SDK1: variants seen among roughly 807,000 people sequenced by gnomAD.
SDK1 encodes sidekick cell adhesion molecule 1, also known as protein sidekick-1.
A neutral mutation model predicts 245.5 loss-of-function variants in SDK1; 157 were observed. The ratio of observed to expected loss-of-function variants is 0.64; its 90% CI spans 0.56 to 0.73. SDK1 has a LOEUF of 0.73. SDK1 is among the 30% of genes least tolerant of loss of function. The pLI is 0.00. For synonymous variants in SDK1, 1,647 were observed against 1,278.5 expected (o/e 1.29, Z -6.15); for missense variants, 3,583 against 3,002.3 (o/e 1.19, Z -4.52).
intron 1 of SDK1, among the ~76,000 whole-genome samples, chr7:3,466,979 T>TACACACACACACACACACACACAC (rs11269597): frequency 1.6e-5 from 2 of 127,544 alleles, no homozygotes; most frequent in Non-Finnish European, 1.6e-5. Context: ...TCTCTCTCTC[T>TACACACACACACACACACACACAC]ACACACACAC....
chr7:3,407,311 G>T (rs763256764), intron 1 of SDK1, among the ~76,000 whole-genome samples: 5 of 152,194 alleles, frequency 3.3e-5, no homozygotes, highest in Non-Finnish European at 4.4e-5. Context: ...TCCTTCAGGG[G>T]CTGATTGAAA....
chr7:3,713,057 A>C (rs999686236), intron 4 of SDK1, among the ~76,000 whole-genome samples: 1 of 152,216 alleles, frequency 6.6e-6, no homozygotes, highest in African/African-American at 2.4e-5. Context: ...GGGGCATGGC[A>C]GGGTGCCAGG....
chr7:3,737,452 G>A (rs1041475516), intron 4 of SDK1, among the ~76,000 whole-genome samples: 2 of 152,232 alleles, frequency 1.3e-5, no homozygotes, highest in Admixed American at 6.5e-5. Context: ...GTGGGGCTTG[G>A]CTTTCTGCCT....
chr7:3,741,669 TC>T (rs1476548792), intron 4 of SDK1, among the ~76,000 whole-genome samples: 3 of 152,116 alleles, frequency 2.0e-5, no homozygotes, highest in Non-Finnish European at 4.4e-5. Flanking sequence ...ACATTTACAA[TC>T]CCATTTATCC....
intron 1 of SDK1, among the ~76,000 whole-genome samples, chr7:3,515,748 G>A (rs560311981): frequency 6.6e-6 from 1 of 152,076 alleles, no homozygotes; most frequent in South Asian, 2.1e-4. Context: ...TTTTCAACTC[G>A]ATTTTACTGC....
rs372364252 is a variant in SDK1, at chr7:4,017,166, C to G, written c.2421-5C>G. ...TTATCGTGATGGGCTTCCTTCGTGG[C>G]GCAGGTACCGCCTGGCTGGCCTTCC... is the stretch of plus-strand genomic sequence containing the variant. On this transcript the variant is annotated splice_polypyrimidine_tract_variant and splice_region_variant and intron_variant, in intron 16 of 44. Coordinates refer to ENST00000404826, the MANE Select transcript of SDK1 (RefSeq NM_152744.4). 7.5e-6 allele frequency: 12 copies of G among 1,603,080 alleles called. No homozygotes were observed. The highest frequency in any genetic ancestry group is 1.0e-5 in the Non-Finnish European group (12 of 1,174,352).
rs1403471195 is a variant in SDK1, at chr7:3,525,160, A to G, written c.299-93920A>G. On this transcript the variant is annotated intron_variant, in intron 1 of 44. Transcript: ENST00000404826. ...ATTTGTAAATACTATGCCATTTCCT[A>G]TCTGGGACTTGAGCATCTGAGGTTT... Among the ~76,000 whole-genome samples the G allele has an allele frequency of 3.3e-5, 5 of 152,072 alleles. No homozygotes were observed. In the East Asian group the frequency reaches 5.8e-4, roughly 18 times the overall value.
At chr7:3,755,353 C>T (rs73304284) in intron 4 of SDK1, among the ~76,000 whole-genome samples, 13,179 of 152,100 alleles carry the variant, frequency 0.087, 1,773 homozygotes, top group African/African-American at 0.29. Flanking sequence ...GTGCCCATGA[C>T]TGCAGAGGTT....
At chr7:3,754,151 G>A (rs939202629) in intron 4 of SDK1, among the ~76,000 whole-genome samples, 1 of 152,122 alleles carries the variant, frequency 6.6e-6, no homozygotes, top group African/African-American at 2.4e-5. Flanking sequence ...TCTTGGAGAG[G>A]TTTTTATTCA....
At chr7:3,608,777 C>G (rs7778898) in intron 1 of SDK1, among the ~76,000 whole-genome samples, 4,759 of 152,292 alleles carry the variant, frequency 0.031, 222 homozygotes, top group African/African-American at 0.1. Context: ...GTCATTTATG[C>G]GGTTTCAGAG....
intron 6 of SDK1, 54 bp downstream of exon 6, chr7:3,951,088 G>A (rs1050613701): frequency 1.3e-5 from 17 of 1,306,536 alleles, no homozygotes; most frequent in African/African-American, 1.2e-4. Context: ...GACCTGTGAC[G>A]AGCCGACGAT....
At chr7:3,435,243 A>C (rs1054619971) in intron 1 of SDK1, among the ~76,000 whole-genome samples, 4 of 151,372 alleles carry the variant, frequency 2.6e-5, no homozygotes, top group Admixed American at 1.3e-4. Flanking sequence ...GCATTAAAAC[A>C]GATTATACTG....
At chr7:3,649,520 A>G (rs1255878156) in intron 4 of SDK1, among the ~76,000 whole-genome samples, 3 of 152,014 alleles carry the variant, frequency 2.0e-5, no homozygotes, top group South Asian at 2.1e-4. Context: ...TGAATATGAA[A>G]TCCTTTTTCT....
intron 13 of SDK1, among the ~76,000 whole-genome samples, chr7:3,984,501 G>C (rs908056227): frequency 1.3e-5 from 2 of 152,184 alleles, no homozygotes; most frequent in African/African-American, 2.4e-5. Flanking sequence ...ATCAGAGAAA[G>C]TGTGCAGAGA....
intron 1 of SDK1, among the ~76,000 whole-genome samples, chr7:3,598,933 T>G (rs906782238): frequency 6.6e-6 from 1 of 152,178 alleles, no homozygotes; most frequent in Admixed American, 6.5e-5. Flanking sequence ...GGTTTCTGTG[T>G]GAACATATGT....
chr7:3,963,335 A>G (rs1391487113), intron 9 of SDK1, among the ~76,000 whole-genome samples: 3 of 71,766 alleles, frequency 4.2e-5, no homozygotes, highest in African/African-American at 9.0e-5. Context: ...CCCCATGGCT[A>G]TCTGGATGTA....
At chr7:3,924,631 A>G (rs555401070) in intron 5 of SDK1, among the ~76,000 whole-genome samples, 1 of 152,280 alleles carries the variant, frequency 6.6e-6, no homozygotes, top group Non-Finnish European at 1.5e-5. Context: ...TTCCCGGAGA[A>G]ACAGCCCTTT....
At chr7:3,849,742 A>G (rs1166620008) in intron 5 of SDK1, among the ~76,000 whole-genome samples, 1 of 152,222 alleles carries the variant, frequency 6.6e-6, no homozygotes, top group Non-Finnish European at 1.5e-5. Flanking sequence ...CTGTGTTACA[A>G]CAAGTAGTCT....
intron 1 of SDK1, among the ~76,000 whole-genome samples, chr7:3,533,162 G>C (rs1783405966): frequency 6.6e-6 from 1 of 152,204 alleles, no homozygotes; most frequent in Admixed American, 6.5e-5. Flanking sequence ...TTGAGTGCAT[G>C]TGGTGTGTAA....
Sources: gnomAD v4.1 joint callset for allele counts (sites outside exome capture counted in the v4.1 genomes callset) on GRCh38, gnomAD v4.1.1 for gene constraint, MANE v1.5 for transcripts, NCBI Gene and HGNC (gene_info 2026-07-23, HGNC 2026-07-21) for gene names.